The following SLC13A1 variants were observed in gnomAD, a reference collection of about 807,000 sequenced individuals.
SLC13A1 encodes the protein solute carrier family 13 member 1, also known as Na(+)/sulfate cotransporter.
In SLC13A1, 65 loss-of-function variants were observed where a neutral mutation model predicts 70.0. The observed-to-expected ratio is 0.93, with a 90% CI of 0.76 to 1.14. SLC13A1 has a LOEUF of 1.14. Ranked by LOEUF, SLC13A1 falls within the 50% of genes most tolerant of loss-of-function variation. The probability of loss-of-function intolerance (pLI) is 0.00; values close to 1 mark genes in which losing one functional copy is unlikely to be tolerated. For missense variants in SLC13A1, 726 were observed against 717.8 expected, an observed-to-expected ratio of 1.01 and a Z score of -0.13; for synonymous variants, 275 against 250.5, an observed-to-expected ratio of 1.10 and a Z score of -0.92.
chr7:123,144,062 A>G (rs1354982885), intron 7 of SLC13A1, among the ~76,000 whole-genome samples: 1 of 152,188 alleles, frequency 6.6e-6, no homozygotes, highest in Non-Finnish European at 1.5e-5. Context: ...AAAAGATGTC[A>G]TATGTTGAAA....
At chr7:123,144,795 A>G (rs1794294205) in intron 7 of SLC13A1, among the ~76,000 whole-genome samples, 1 of 152,190 alleles carries the variant, frequency 6.6e-6, no homozygotes, top group Non-Finnish European at 1.5e-5. Flanking sequence ...CTTACATGTT[A>G]TATGCAACTT....
In SLC13A1 at chr7:123,180,961, AAGAGGACTTACC is replaced by A; in HGVS notation, c.228_228+11del. 1 of 1,604,864 alleles carries A rather than the reference AAGAGGACTTACC, an allele frequency of 6.2e-7. No individual in the cohort carries two copies. The highest frequency in any genetic ancestry group is 8.5e-7 in the Non-Finnish European group (1 of 1,175,472). ...CAGGAAATCAACTTATGACATTGGC[AAGAGGACTTACC>A]TTCTTAGAAGGCATGATCCCAAACA... On this transcript the variant is annotated splice_donor_variant and splice_donor_5th_base_variant and coding_sequence_variant and intron_variant, in exon 2 of 15. Coordinates refer to ENST00000194130, the MANE Select transcript of SLC13A1 (RefSeq NM_022444.4). LOFTEE classifies it high-confidence loss of function.
chr7:123,159,449 T>A (rs1216567139), intron 6 of SLC13A1, among the ~76,000 whole-genome samples: 1 of 152,188 alleles, frequency 6.6e-6, no homozygotes, highest in East Asian at 1.9e-4. Flanking sequence ...AAGGTAGCCT[T>A]GTACAAGCCA....
intron 6 of SLC13A1, among the ~76,000 whole-genome samples, chr7:123,166,081 C>T (rs1277326033): frequency 6.6e-6 from 1 of 151,966 alleles, no homozygotes; most frequent in Non-Finnish European, 1.5e-5. Context: ...GTTGCTCCTG[C>T]TTCTAGAAGT....
chr7:123,142,362 A>T (rs2116386866), intron 7 of SLC13A1, among the ~76,000 whole-genome samples: 1 of 152,276 alleles, frequency 6.6e-6, no homozygotes. Context: ...TTCCCAGGAC[A>T]GGTCCATAAA....
rs560536736 is a variant in SLC13A1 at position 123,114,413 on chromosome 7, C to T, written c.*1105G>A. On this transcript the variant is annotated 3_prime_UTR_variant, in exon 15 of 15. Transcript: ENST00000194130. ...CTCACTTCTAGAAGACTATTCTTAT[C>T]CCATTTTTGTTTAAATGTTTAGTTT... 1.2e-4 allele frequency: 15 copies of T among 129,104 alleles called. No homozygotes were observed. In the South Asian group the frequency reaches 4.2e-3, roughly 36 times the overall value. The allele number at this position is 129,104 out of a possible 1,614,324, so 8.0% of individuals were successfully genotyped here.
chr7:123,192,675 C>T (rs1033247975), intron 1 of SLC13A1, among the ~76,000 whole-genome samples: 6 of 152,058 alleles, frequency 3.9e-5, no homozygotes, highest in African/African-American at 1.4e-4. Context: ...GGAGAAAAAT[C>T]ATGCATTCTA....
At chr7:123,151,809 C>T (rs186707102) in intron 6 of SLC13A1, among the ~76,000 whole-genome samples, 233 of 152,240 alleles carry the variant, frequency 1.5e-3, no homozygotes, top group Middle Eastern at 0.014. Flanking sequence ...AAAACATTAT[C>T]TTCCTCATCC....
chr7:123,167,705 T>C (rs912669126), intron 6 of SLC13A1, among the ~76,000 whole-genome samples: 3 of 152,138 alleles, frequency 2.0e-5, no homozygotes, highest in Non-Finnish European at 2.9e-5. Context: ...CCTCTTTTAA[T>C]ATCTAGAATG....
At chr7:123,183,141 C>G (rs2116626495) in intron 1 of SLC13A1, among the ~76,000 whole-genome samples, 2 of 152,236 alleles carry the variant, frequency 1.3e-5, no homozygotes, top group South Asian at 2.1e-4. Context: ...TGTCTGAGCT[C>G]ACATTCTAGA....
chr7:123,118,316 CAA>C (rs1793250420), intron 13 of SLC13A1, among the ~76,000 whole-genome samples: 1 of 152,060 alleles, frequency 6.6e-6, no homozygotes, highest in Admixed American at 6.6e-5. Flanking sequence ...GAAAACAACA[CAA>C]AATGATATTG....
At chr7:123,174,521 C>T (rs568057662) in intron 2 of SLC13A1, among the ~76,000 whole-genome samples, 3 of 152,006 alleles carry the variant, frequency 2.0e-5, no homozygotes, top group Non-Finnish European at 4.4e-5. Flanking sequence ...GTCCCTTTTT[C>T]TCTGTTTACA....
At chr7:123,137,043 C>T (rs1793973917) in intron 7 of SLC13A1, among the ~76,000 whole-genome samples, 1 of 152,078 alleles carries the variant, frequency 6.6e-6, no homozygotes, top group Non-Finnish European at 1.5e-5. Context: ...AACCTTGTAG[C>T]CAGTCCGAAA....
At chr7:123,180,796 G>T (rs1316793119) in intron 2 of SLC13A1, among the ~76,000 whole-genome samples, 177 bp downstream of exon 2, 1 of 152,078 alleles carries the variant, frequency 6.6e-6, no homozygotes, top group Non-Finnish European at 1.5e-5. Context: ...GCTTGTGTTT[G>T]TTCTTTGAAG....
chr7:123,180,915 A>G, intron 2 of SLC13A1, 58 bp downstream of exon 2: 7 of 1,542,860 alleles, frequency 4.5e-6, no homozygotes, highest in South Asian at 1.2e-5. Flanking sequence ...AACTTTTCTC[A>G]ATGGAAATCT....
At chr7:123,120,634 G>A (rs1412758285) in intron 12 of SLC13A1, among the ~76,000 whole-genome samples, 1 of 152,048 alleles carries the variant, frequency 6.6e-6, no homozygotes, top group Non-Finnish European at 1.5e-5. Context: ...ATTACAAGCA[G>A]TATACCCTCA....
In SLC13A1 at chr7:123,171,758, C is replaced by T; in HGVS notation, c.365+10G>A. 1.2e-6 allele frequency: 2 copies of T among 1,613,316 alleles called. No homozygotes were observed. Among genetic ancestry groups the T allele is most frequent in the African/African-American group, 1.3e-5 (1 of 74,998 alleles). On this transcript the variant is annotated intron_variant, in intron 3 of 14. Transcript: ENST00000194130. ...GCAGGTAAACTGGAAGCAGTAAATG[C>T]AGTACTTACCATGCAGGATTTACAC...
rs1347071361 is a variant in SLC13A1, at chr7:123,115,525, A to G, written c.1781T>C (p.Met594Thr). ...SWAPAMSNET[M>T]P ...TCAGAAATTTTGTGCTTATTATGGC[A>G]TGGTCTCATTACTCATAGCAGGAGC... is the stretch of plus-strand genomic sequence containing the variant. Residue 594 changes from methionine (M) to threonine (T), a missense_variant, in exon 15 of 15, where the codon ATG becomes ACG. Physicochemically the swap from Met to Thr is moderately conservative, Grantham distance 81. Coordinates refer to ENST00000194130, the MANE Select transcript of SLC13A1 (RefSeq NM_022444.4). 5 of 1,611,154 alleles carry G rather than the reference A, an allele frequency of 3.1e-6. No individual in the cohort carries two copies. The Admixed American group carries it at 6.7e-5, about 22-fold the overall frequency.
At chr7:123,127,942 A>T (rs1793617073) in intron 10 of SLC13A1, among the ~76,000 whole-genome samples, 1 of 149,214 alleles carries the variant, frequency 6.7e-6, no homozygotes, top group Non-Finnish European at 1.5e-5. Flanking sequence ...AGTGAAAGAT[A>T]GATTGGGAAC....
Sources: gnomAD v4.1 joint callset for allele counts (sites outside exome capture counted in the v4.1 genomes callset) on GRCh38, gnomAD v4.1.1 for gene constraint, MANE v1.5 for transcripts, NCBI Gene and HGNC (gene_info 2026-07-23, HGNC 2026-07-21) for gene names.